The following OPCML variants were observed in gnomAD, a reference collection of about 807,000 sequenced individuals.
OPCML encodes the protein opioid-binding protein/cell adhesion molecule.
A neutral mutation model predicts 37.8 loss-of-function variants in OPCML; 13 were observed. That is an observed-to-expected ratio of 0.34 (90% CI 0.22 to 0.55). The LOEUF is 0.55. OPCML is among the 20% of genes least tolerant of loss of function. The pLI is 0.91. For missense variants in OPCML, 341 were observed against 435.6 expected (o/e 0.78, Z 1.93); for synonymous variants, 176 against 168.8 (o/e 1.04, Z -0.33).
chr11:133,207,012 GC>G (rs1359595979), intron 1 of OPCML, among the ~76,000 whole-genome samples: 1 of 151,946 alleles, frequency 6.6e-6, no homozygotes, highest in Admixed American at 6.6e-5. Flanking sequence ...TAAGAGCCGG[GC>G]GCGGTGGCTC....
chr11:132,880,094 T>A (rs1158240460), intron 2 of OPCML, among the ~76,000 whole-genome samples: 1 of 152,232 alleles, frequency 6.6e-6, no homozygotes, highest in South Asian at 2.1e-4. Flanking sequence ...CTTTCGCTGA[T>A]CATTCCATTA....
At chr11:133,185,144 T>G (rs1451204979) in intron 1 of OPCML, among the ~76,000 whole-genome samples, 1 of 152,356 alleles carries the variant, frequency 6.6e-6, no homozygotes. Context: ...CCACACTTTA[T>G]GAAGAGCTAG....
At chr11:132,983,034 T>C (rs1377487875) in intron 1 of OPCML, among the ~76,000 whole-genome samples, 2 of 152,246 alleles carry the variant, frequency 1.3e-5, no homozygotes, top group African/African-American at 2.4e-5. Flanking sequence ...TGCCAAATTA[T>C]GATGGCTTTT....
chr11:133,019,658 T>C (rs1947412144), intron 1 of OPCML, among the ~76,000 whole-genome samples: 1 of 152,200 alleles, frequency 6.6e-6, no homozygotes, highest in African/African-American at 2.4e-5. Context: ...TCTATCTTCA[T>C]CAACCCACGG....
intron 1 of OPCML, among the ~76,000 whole-genome samples, chr11:133,485,871 A>G (rs970904152): frequency 2.0e-5 from 3 of 152,102 alleles, no homozygotes; most frequent in Admixed American, 2.0e-4. Flanking sequence ...AACGTTTCAC[A>G]GTCTACTTAG....
At chr11:132,652,009 A>G (rs573679093) in intron 3 of OPCML, among the ~76,000 whole-genome samples, 17 of 152,240 alleles carry the variant, frequency 1.1e-4, no homozygotes, top group Admixed American at 4.6e-4. Context: ...TCTATCTCCA[A>G]CAAACAACGA....
chr11:132,641,237 T>G (rs1940833876), intron 3 of OPCML, among the ~76,000 whole-genome samples: 1 of 152,160 alleles, frequency 6.6e-6, no homozygotes, highest in East Asian at 1.9e-4. Flanking sequence ...ATCCTGAACA[T>G]ATATGTTCCT....
chr11:132,613,377 T>G (rs929178201), intron 3 of OPCML, among the ~76,000 whole-genome samples: 1 of 152,204 alleles, frequency 6.6e-6, no homozygotes, highest in African/African-American at 2.4e-5. Context: ...CAAGAAAACC[T>G]CAAAGACAGC....
At position 132,953,575 on chromosome 11, in the gene OPCML, A is replaced by G. The variant is rs1042472526; in HGVS notation, c.62-10565T>C. Among the ~76,000 whole-genome samples, 3 of 152,184 alleles carry G rather than the reference A, an allele frequency of 2.0e-5. No homozygotes were observed. In the South Asian group the frequency reaches 6.2e-4, roughly 32 times the overall value. Reference sequence around the variant, plus strand: ...AACAAAAACCATTATATTGAGACCTACAAGCCATAAAATGTGTTTTTTAAA... The same window carrying G: ...AACAAAAACCATTATATTGAGACCTGCAAGCCATAAAATGTGTTTTTTAAA... On this transcript the variant is annotated intron_variant, in intron 1 of 7. Transcript: ENST00000524381.
At chr11:132,502,597 T>C (rs1477617242) in intron 4 of OPCML, among the ~76,000 whole-genome samples, 1 of 151,906 alleles carries the variant, frequency 6.6e-6, no homozygotes, top group African/African-American at 2.4e-5. Context: ...GGGACAAAAA[T>C]GAAAAGGGGA....
intron 4 of OPCML, among the ~76,000 whole-genome samples, chr11:132,451,681 G>A (rs917468215): frequency 6.6e-6 from 1 of 152,176 alleles, no homozygotes; most frequent in Non-Finnish European, 1.5e-5. Flanking sequence ...CTGCTGTGGG[G>A]CCTCCATCTA....
At chr11:132,562,307 A>G (rs913992036) in intron 3 of OPCML, among the ~76,000 whole-genome samples, 1 of 152,036 alleles carries the variant, frequency 6.6e-6, no homozygotes, top group African/African-American at 2.4e-5. Flanking sequence ...GTAAAGCACT[A>G]TTTGGAAAGT....
intron 2 of OPCML, among the ~76,000 whole-genome samples, chr11:132,818,776 C>T (rs985241012): frequency 1.3e-5 from 2 of 148,826 alleles, no homozygotes; most frequent in Non-Finnish European, 3.0e-5. Flanking sequence ...AATATAAGAA[C>T]CATATATGGG....
chr11:132,856,612 G>A (rs1225871015), intron 2 of OPCML, among the ~76,000 whole-genome samples: 1 of 152,214 alleles, frequency 6.6e-6, no homozygotes, highest in Non-Finnish European at 1.5e-5. Context: ...ACTCAAGCAT[G>A]CACACTATGA....
At position 133,226,017 on chromosome 11, in the gene OPCML, G is replaced by T. The variant is rs145009738; in HGVS notation, c.62-283007C>A. On this transcript the variant is annotated intron_variant, in intron 1 of 7. Coordinates refer to ENST00000524381, the MANE Select transcript of OPCML (RefSeq NM_001012393.5). ...ATAGATGAGGGAACTGTACAGAGAG[G>T]CTAAGTTACCTGCACCAGTTGGCAC... Among the ~76,000 whole-genome samples, 339 of 152,332 alleles carry T rather than the reference G, an allele frequency of 2.2e-3. 2 individuals are homozygous for T. The highest frequency in any genetic ancestry group is 4.0e-3 in the Admixed American group (62 of 15,310).
At chr11:132,623,694 T>C (rs984367248) in intron 3 of OPCML, among the ~76,000 whole-genome samples, 1 of 152,224 alleles carries the variant, frequency 6.6e-6, no homozygotes, top group East Asian at 1.9e-4. Flanking sequence ...CTACTTCCCC[T>C]AGCATGCCTA....
chr11:132,817,010 C>A (rs1162222639), intron 2 of OPCML: 1 of 152,138 alleles, frequency 6.6e-6, no homozygotes, highest in African/African-American at 2.4e-5. Flanking sequence ...GGAATAAGAC[C>A]CTTTTGTTGA....
intron 2 of OPCML, among the ~76,000 whole-genome samples, chr11:132,701,569 T>C (rs1943818244): frequency 6.6e-6 from 1 of 152,200 alleles, no homozygotes; most frequent in African/African-American, 2.4e-5. Context: ...TGACAGCAAA[T>C]AGTTGGACCA....
At chr11:132,932,181 G>A (rs1186814160) in intron 2 of OPCML, among the ~76,000 whole-genome samples, 2 of 152,240 alleles carry the variant, frequency 1.3e-5, no homozygotes, top group South Asian at 2.1e-4. Flanking sequence ...ATTGTTTAAT[G>A]GATTCTGAGT....
Sources: gnomAD v4.1 joint callset for allele counts (sites outside exome capture counted in the v4.1 genomes callset) on GRCh38, gnomAD v4.1.1 for gene constraint, MANE v1.5 for transcripts, NCBI Gene and HGNC (gene_info 2026-07-23, HGNC 2026-07-21) for gene names.